The following AGPAT1 variants were observed in gnomAD, a reference collection of about 807,000 sequenced individuals.
AGPAT1 encodes 1-acylglycerol-3-phosphate O-acyltransferase 1.
AGPAT1 carries 6 observed loss-of-function variants against 31.2 expected under a neutral mutation model. The observed-to-expected ratio is 0.19, with a 90% confidence interval of 0.11 to 0.38. The LOEUF (loss-of-function observed/expected upper bound fraction) is 0.38, where lower values mean the gene tolerates loss of function less well. Ranked by LOEUF, AGPAT1 falls within the 10% of genes least tolerant of loss-of-function variation. The pLI, the probability that AGPAT1 is intolerant of heterozygous loss-of-function variation, is 1.00. For synonymous variants in AGPAT1, 139 were observed against 154.0 expected (o/e 0.90, Z 0.72); for missense variants, 187 against 377.8 (o/e 0.49, Z 4.19).
chr6:32,176,093 G>T, upstream of AGPAT1: 1 of 972,516 alleles, frequency 1.0e-6, no homozygotes, highest in Non-Finnish European at 1.2e-6. Context: ...CTATTCCCCC[G>T]CCACCCCTCC....
Position 32,176,023 on chromosome 6 carries a change from C to T in AGPAT1, c.-219G>A. The stretch of plus-strand genomic sequence containing the variant: ...GTAGGAATGGTGGGGGGCTGTCCCC[C>T]CAGCACCCTCCCTCCCTCCCTTTCT... On this transcript the variant is annotated 5_prime_UTR_variant, in exon 1 of 7. Transcript: ENST00000375107. 1.1e-5 allele frequency: 11 copies of T among 985,240 alleles called. No homozygotes were observed. Among genetic ancestry groups the T allele is most frequent in the Non-Finnish European group, 1.2e-5 (10 of 829,810 alleles). 61.0% of individuals were successfully genotyped at this position (985,240 alleles called of 1,614,324 possible). A position where few individuals can be genotyped will look rare whatever the true frequency, so the allele number is the denominator to read the frequency against.
Position 32,176,040 on chromosome 6 carries a change from T to G in AGPAT1, c.-236A>C. On this transcript the variant is annotated 5_prime_UTR_variant, in exon 1 of 7. Transcript: ENST00000375107. ...CTGTCCCCCCAGCACCCTCCCTCCCTCCCTTTCTGCTGTCTCTCTGAGGGC... is the reference window on the plus strand; with the variant it reads ...CTGTCCCCCCAGCACCCTCCCTCCCGCCCTTTCTGCTGTCTCTCTGAGGGC... The G allele has an allele frequency of 7.7e-6, 2 of 259,000 alleles. No individual in the cohort carries two copies. Among genetic ancestry groups the G allele is most frequent in the South Asian group, 1.5e-4 (1 of 6,562 alleles). 16.0% of individuals were successfully genotyped at this position (259,000 alleles called of 1,614,324 possible). A position where few individuals can be genotyped will look rare whatever the true frequency, so the allele number is the denominator to read the frequency against.
Position 32,168,943 on chromosome 6 carries a change from G to A in AGPAT1, c.*333C>T, listed in dbSNP as rs562654671. ...TAGAGGGGTAGAGAAGACCACATAG[G>A]AAGAGACTCCACTGGGGATGGAATG... On this transcript the variant is annotated 3_prime_UTR_variant, in exon 7 of 7. Coordinates refer to ENST00000375107, the MANE Select transcript of AGPAT1 (RefSeq NM_006411.4). The surrounding 1 kb of genome is among the most constrained non-coding windows in gnomAD (Gnocchi z 4.5). The A allele has an allele frequency of 1.5e-5, 6 of 391,608 alleles. No homozygotes were observed. The highest frequency in any genetic ancestry group is 2.3e-5 in the Non-Finnish European group (5 of 213,908). 24.3% of individuals were successfully genotyped at this position (391,608 alleles called of 1,614,324 possible).
rs375907493 is a variant in AGPAT1, at chr6:32,174,066, A to G, written c.-10+1748T>C. 1.3e-5 allele frequency among the ~76,000 whole-genome samples: 2 copies of G among 152,168 alleles called. No homozygotes were observed. On this transcript the variant is annotated intron_variant, in intron 1 of 6. Coordinates refer to ENST00000375107, the MANE Select transcript of AGPAT1 (RefSeq NM_006411.4). This position sits in a 1 kb window ranked among gnomAD's most constrained non-coding sequence, Gnocchi z 4.5. ...TGAGTCTGATGTGCGCCTGAATTTA[A>G]GAACCACTGATCTTGACAACACACT... is the stretch of plus-strand genomic sequence containing the variant.
At chr6:32,177,745 C>T (rs1013894628), upstream of AGPAT1, 1 of 152,178 alleles carries the variant, frequency 6.6e-6, no homozygotes, top group African/African-American at 2.4e-5. Context: ...TAGTGTTTTC[C>T]CTCTTTTCCT....
chr6:32,168,614 C>A lies in AGPAT1; in HGVS notation c.*662G>T, dbSNP rs1344359058. 1 of 153,908 alleles carries A rather than the reference C, an allele frequency of 6.5e-6. No individual in the cohort carries two copies. The highest frequency in any genetic ancestry group is 1.4e-5 in the Non-Finnish European group (1 of 69,328). 9.5% of individuals were successfully genotyped at this position (153,908 alleles called of 1,614,324 possible). On this transcript the variant is annotated 3_prime_UTR_variant, in exon 7 of 7. Transcript: ENST00000375107. The surrounding 1 kb of genome is among the most constrained non-coding windows in gnomAD (Gnocchi z 4.5). Reference sequence around the variant, plus strand: ...AGAACTGTACTATGGGGACAGAAAACCAGAAATGTGGAGACTGAACTGGTA... The same window carrying A: ...AGAACTGTACTATGGGGACAGAAAAACAGAAATGTGGAGACTGAACTGGTA...
rs1015638644 is a variant in AGPAT1, at chr6:32,170,303, G to T, written c.511-43C>A. ...TCAAAGAAGACAAATACATATGGAG[G>T]AGTCAGAATAGGTGTGATGTTATAA... On this transcript the variant is annotated intron_variant, in intron 4 of 6. Transcript: ENST00000375107. The surrounding 1 kb of genome is among the most constrained non-coding windows in gnomAD (Gnocchi z 7.7). 1.4e-5 allele frequency: 23 copies of T among 1,606,012 alleles called. No individual in the cohort carries two copies. The highest frequency in any genetic ancestry group is 2.0e-5 in the Non-Finnish European group (23 of 1,174,870).
Position 32,170,128 on chromosome 6 carries a change from T to G in AGPAT1, c.606+37A>C, listed in dbSNP as rs1027228711. 3.2e-5 allele frequency: 52 copies of G among 1,611,708 alleles called. No homozygotes were observed. The highest frequency in any genetic ancestry group is 4.3e-5 in the Non-Finnish European group (51 of 1,178,114). On this transcript the variant is annotated intron_variant, in intron 5 of 6. Transcript: ENST00000375107. The surrounding 1 kb of genome is among the most constrained non-coding windows in gnomAD (Gnocchi z 7.7). The stretch of plus-strand genomic sequence containing the variant: ...CCCAGAGATGAGGGAATGGTGGGGG[T>G]TGGCAGCTGAGTAGCAGAACGAAGA...
chr6:32,171,146 T>C lies in AGPAT1; in HGVS notation c.201-76A>G. 8 of 1,588,966 alleles carry C rather than the reference T, an allele frequency of 5.0e-6. No individual in the cohort carries two copies. The highest frequency in any genetic ancestry group is 1.1e-5 in the South Asian group (1 of 87,720). On this transcript the variant is annotated intron_variant, in intron 2 of 6. Transcript: ENST00000375107. This position sits in a 1 kb window ranked among gnomAD's most constrained non-coding sequence, Gnocchi z 6.9. ...CATGCCTCAGCTCCCCCCACCTTAC[T>C]GTCTTTCTGACCACCTTTGCAGTCC...
In AGPAT1 at chr6:32,174,874, T is replaced by C. The variant is rs1785395489; in HGVS notation, c.-10+940A>G. Among the ~76,000 whole-genome samples, 1 of 152,242 alleles carries C rather than the reference T, an allele frequency of 6.6e-6. No individual in the cohort carries two copies. Among genetic ancestry groups the C allele is most frequent in the East Asian group, 1.9e-4 (1 of 5,204 alleles). On this transcript the variant is annotated intron_variant, in intron 1 of 6. Transcript: ENST00000375107. The surrounding 1 kb of genome is among the most constrained non-coding windows in gnomAD (Gnocchi z 4.5). ...TTATAACACACATTCTATGGTCCTG[T>C]TACATCAGTGTATCATGCAAAGGCG...
chr6:32,168,816 G>T lies in AGPAT1; in HGVS notation c.*460C>A. 6.2e-6 allele frequency: 1 copy of T among 161,640 alleles called. No homozygotes were observed. 10.0% of individuals were successfully genotyped at this position (161,640 alleles called of 1,614,324 possible). ...AGGTATCAGCTTCCAGCCAGAGGGC[G>T]AGAAGTCCTCCTCACAAATGGATGA... On this transcript the variant is annotated 3_prime_UTR_variant, in exon 7 of 7. Transcript: ENST00000375107. This position sits in a 1 kb window ranked among gnomAD's most constrained non-coding sequence, Gnocchi z 4.5.
rs1785176568 is a variant in AGPAT1, at chr6:32,172,337, C to A, written c.-9-832G>T. On this transcript the variant is annotated intron_variant, in intron 1 of 6. Coordinates refer to ENST00000375107, the MANE Select transcript of AGPAT1 (RefSeq NM_006411.4). This position sits in a 1 kb window ranked among gnomAD's most constrained non-coding sequence, Gnocchi z 4.3. Reference sequence around the variant, plus strand: ...CAAAAAAAAAAAAAGAAATTATAATCTTTTGGATGTTATCAGATTCAAGAA... The same window carrying A: ...CAAAAAAAAAAAAAGAAATTATAATATTTTGGATGTTATCAGATTCAAGAA... 6.6e-6 allele frequency among the ~76,000 whole-genome samples: 1 copy of A among 151,840 alleles called. No homozygotes were observed. Among genetic ancestry groups the A allele is most frequent in the South Asian group, 2.1e-4 (1 of 4,804 alleles).
At position 32,171,440 on chromosome 6, in the gene AGPAT1, G is replaced by A. The variant is rs1468141469; in HGVS notation, c.57C>T (p.Leu19=). The stretch of plus-strand genomic sequence containing the variant: ...AGAACCACAGGGTGGGCAGCAGGAA[G>A]AGCAGCAGCAGGAAGAGCAGCAGCA... ...MLLLLLFLLL[L]FLLPTLWFCS... Residue 19 remains leucine (L), a synonymous_variant, in exon 2 of 7, where the codon CTC becomes CTT. Transcript: ENST00000375107. The surrounding 1 kb of genome is among the most constrained non-coding windows in gnomAD (Gnocchi z 6.9). 18 of 1,612,516 alleles carry A rather than the reference G, an allele frequency of 1.1e-5. No homozygotes were observed. Among genetic ancestry groups the A allele is most frequent in the Non-Finnish European group, 1.5e-5 (18 of 1,179,826 alleles).
chr6:32,177,693 C>A (rs1359282744), upstream of AGPAT1: 2 of 152,204 alleles, frequency 1.3e-5, no homozygotes, highest in African/African-American at 4.8e-5. Context: ...CTGCTCTCTA[C>A]GTCACCAAAG....
Position 32,176,017 on chromosome 6 carries a change from G to T in AGPAT1, c.-213C>A. On this transcript the variant is annotated 5_prime_UTR_variant, in exon 1 of 7. Transcript: ENST00000375107. ...ATAGCGGTAGGAATGGTGGGGGGCT[G>T]TCCCCCCAGCACCCTCCCTCCCTCC... 1 of 984,924 alleles carries T rather than the reference G, an allele frequency of 1.0e-6. No homozygotes were observed. Among genetic ancestry groups the T allele is most frequent in the Non-Finnish European group, 1.2e-6 (1 of 829,638 alleles). 61.0% of individuals were successfully genotyped at this position (984,924 alleles called of 1,614,324 possible). A position where few individuals can be genotyped will look rare whatever the true frequency, so the allele number is the denominator to read the frequency against.
rs1785269549 is a variant in AGPAT1 at position 32,173,405 on chromosome 6, A to T, written c.-9-1900T>A. ...TGAGCTGCTCCATCCCACTGCCCCT[A>T]CAAGTTCAGAACAGCATCATTTCTC... On this transcript the variant is annotated intron_variant, in intron 1 of 6. Coordinates refer to ENST00000375107, the MANE Select transcript of AGPAT1 (RefSeq NM_006411.4). The surrounding 1 kb of genome is among the most constrained non-coding windows in gnomAD (Gnocchi z 4.7). Among the ~76,000 whole-genome samples the T allele has an allele frequency of 6.6e-6, 1 of 152,188 alleles. No homozygotes were observed.
chr6:32,170,625 G>A lies in AGPAT1; in HGVS notation c.335-25C>T, dbSNP rs1785003164. On this transcript the variant is annotated intron_variant, in intron 3 of 6. Coordinates refer to ENST00000375107, the MANE Select transcript of AGPAT1 (RefSeq NM_006411.4). The surrounding 1 kb of genome is among the most constrained non-coding windows in gnomAD (Gnocchi z 7.7). The stretch of plus-strand genomic sequence containing the variant: ...CCTTGGGCAGGGTGGGAGTGGGTGA[G>A]GATCGGGGTGGAGGCAGAGTGTCAC... The A allele has an allele frequency of 1.2e-6, 2 of 1,606,832 alleles. No homozygotes were observed. Among genetic ancestry groups the A allele is most frequent in the African/African-American group, 2.7e-5 (2 of 75,022 alleles).
upstream of AGPAT1, chr6:32,176,260 C>T (rs538230942): frequency 1.4e-5 from 9 of 644,788 alleles, no homozygotes; most frequent in Admixed American, 5.0e-4. Context: ...CGGTCTTTGC[C>T]CCCATCTCTG....
upstream of AGPAT1, chr6:32,176,218 C>T (rs920765933): frequency 1.1e-6 from 1 of 910,994 alleles, no homozygotes; most frequent in Admixed American, 6.2e-5. Context: ...CTACCAGTGT[C>T]CTCTTGCGAG....
Sources: allele counts gnomAD v4.1 joint callset (sites outside exome capture counted in the v4.1 genomes callset), GRCh38; gene constraint gnomAD v4.1.1; non-coding constraint Gnocchi (gnomAD v3.1); transcripts MANE v1.5; gene names NCBI Gene and HGNC (gene_info 2026-07-23, HGNC 2026-07-21).